ATOSA: variants seen among roughly 807,000 people sequenced by gnomAD.
ATOSA encodes the protein atos homolog A, also known as atos homolog protein A.
At chr15:52,619,879 AAATAT>A in the ATOSA span, among the ~76,000 whole-genome samples, 1 of 152,098 alleles carries the variant, frequency 6.6e-6, no homozygotes, top group Non-Finnish European at 1.5e-5. Context: ...ATTTGACATA[AAATAT>A]AATATTGAAG....
chr15:52,615,222 A>G, the ATOSA span, among the ~76,000 whole-genome samples: 1 of 152,194 alleles, frequency 6.6e-6, no homozygotes, highest in Admixed American at 6.5e-5. Flanking sequence ...CAAACAATCT[A>G]ATCTGTGGAT....
the ATOSA span, among the ~76,000 whole-genome samples, chr15:52,623,785 T>A: frequency 1.3e-5 from 2 of 152,092 alleles, no homozygotes; most frequent in South Asian, 4.2e-4. Context: ...TTCTGAAGAG[T>A]ATAAACGATA....
At chr15:52,587,229 AAAG>A in the ATOSA span, 1 of 1,610,810 alleles carries the variant, frequency 6.2e-7, no homozygotes, top group South Asian at 1.1e-5. Context: ...CCTTGAAATA[AAAG>A]AAGACAAATT....
the ATOSA span, chr15:52,614,046 T>A: frequency 1.8e-6 from 1 of 554,326 alleles, no homozygotes; most frequent in Non-Finnish European, 3.2e-6. Context: ...AGATGATGGA[T>A]AATTCCAAAT....
chr15:52,635,432 C>A, the ATOSA span, among the ~76,000 whole-genome samples: 1 of 152,192 alleles, frequency 6.6e-6, no homozygotes, highest in African/African-American at 2.4e-5. Context: ...GTGGCTCACA[C>A]CTGTAATGCC....
chr15:52,597,649 G>A, the ATOSA span, among the ~76,000 whole-genome samples: 2 of 152,150 alleles, frequency 1.3e-5, no homozygotes, highest in African/African-American at 4.8e-5. Context: ...GTTGTATTAT[G>A]CTGGACTGAA....
chr15:52,584,764 G>A, the ATOSA span: 11 of 1,613,216 alleles, frequency 6.8e-6, no homozygotes, highest in Non-Finnish European at 8.5e-6. Context: ...ATGAGGTAGC[G>A]TAATAACCGT....
the ATOSA span, among the ~76,000 whole-genome samples, chr15:52,597,327 A>G: frequency 1.3e-4 from 20 of 152,336 alleles, no homozygotes; most frequent in Middle Eastern, 3.4e-3. Flanking sequence ...TTCATACACA[A>G]ATGTTTATAG....
At chr15:52,656,279 A>G in the ATOSA span, 11 of 152,126 alleles carry the variant, frequency 7.2e-5, no homozygotes, top group African/African-American at 2.7e-4. Context: ...ACCAGTTTTT[A>G]TTAAAAAACA....
chr15:52,599,027 C>A, the ATOSA span, among the ~76,000 whole-genome samples: 1 of 152,204 alleles, frequency 6.6e-6, no homozygotes, highest in Non-Finnish European at 1.5e-5. Flanking sequence ...CAGATGCCAG[C>A]ACCATGCTTC....
At chr15:52,680,138 G>A in the ATOSA span, among the ~76,000 whole-genome samples, 1 of 152,050 alleles carries the variant, frequency 6.6e-6, no homozygotes, top group Non-Finnish European at 1.5e-5. Context: ...TTGGGGAGCT[G>A]TAATTTTGTT....
chr15:52,608,984 A>T, the ATOSA span: 1 of 1,612,632 alleles, frequency 6.2e-7, no homozygotes, highest in East Asian at 2.2e-5. Flanking sequence ...ATAGTGGTGC[A>T]ATTTGAATAC....
the ATOSA span, among the ~76,000 whole-genome samples, chr15:52,697,484 T>G: frequency 7.9e-5 from 12 of 152,218 alleles, no homozygotes; most frequent in Non-Finnish European, 1.5e-4. Flanking sequence ...AAATGGCTAG[T>G]TGAAATGAAC....
the ATOSA span, among the ~76,000 whole-genome samples, chr15:52,607,149 G>A: frequency 7.2e-5 from 11 of 152,178 alleles, no homozygotes; most frequent in East Asian, 1.4e-3. Context: ...TAAGTAATAC[G>A]ACTTATTTAC....
the ATOSA span, chr15:52,611,152 T>C: frequency 3.1e-6 from 5 of 1,613,850 alleles, no homozygotes; most frequent in Admixed American, 1.7e-5. Context: ...TTTCGTGGAA[T>C]AGCACCATGA....
chr15:52,605,244 C>A, the ATOSA span: 1 of 1,576,250 alleles, frequency 6.3e-7, no homozygotes. Context: ...TCAGTGTAGT[C>A]CTCTGTTAGG....
the ATOSA span, chr15:52,586,981 G>A: frequency 1.3e-5 from 18 of 1,351,446 alleles, no homozygotes; most frequent in African/African-American, 9.0e-5. Flanking sequence ...TTCCTTTTAT[G>A]GAGGTCCCCA....
chr15:52,689,437 G>T, the ATOSA span, among the ~76,000 whole-genome samples: 4 of 152,150 alleles, frequency 2.6e-5, no homozygotes, highest in Non-Finnish European at 1.5e-5. Context: ...TAGCAAAGAT[G>T]TTATGAAGAC....
the ATOSA span, chr15:52,605,006 A>G: frequency 3.1e-6 from 2 of 654,560 alleles, no homozygotes; most frequent in Middle Eastern, 3.8e-4. Context: ...ATCAAAAAAT[A>G]AAATGTTTCC....
Sources: allele counts gnomAD v4.1 joint callset (sites outside exome capture counted in the v4.1 genomes callset), GRCh38; gene constraint gnomAD v4.1.1; transcripts MANE v1.5; gene names NCBI Gene and HGNC (gene_info 2026-07-23, HGNC 2026-07-21).